The following TBPL2 variants were observed in gnomAD, a reference collection of about 807,000 sequenced individuals.
The protein encoded by TBPL2 is TATA box-binding protein-like 2.
Under a neutral mutation model 38.2 loss-of-function variants are expected in TBPL2, and 40 were observed. That is an observed-to-expected ratio of 1.05 (90% CI 0.81 to 1.36). TBPL2 has a LOEUF of 1.36. TBPL2 is among the 40% of genes most tolerant of loss of function. TBPL2 has a pLI of 0.00. For missense variants in TBPL2, 461 were observed against 456.7 expected, an observed-to-expected ratio of 1.01 and a Z score of -0.09; for synonymous variants, 169 against 171.7, an observed-to-expected ratio of 0.98 and a Z score of 0.12.
chr14:55,430,696 C>G (rs1408968740), intron 4 of TBPL2, among the ~76,000 whole-genome samples: 2 of 152,182 alleles, frequency 1.3e-5, no homozygotes, highest in Non-Finnish European at 2.9e-5. Context: ...TGCACATGGC[C>G]ATCTGTTGAT....
intron 4 of TBPL2, among the ~76,000 whole-genome samples, chr14:55,430,807 C>T (rs1306499853): frequency 1.3e-5 from 2 of 152,202 alleles, no homozygotes; most frequent in Non-Finnish European, 2.9e-5. Context: ...GGCCATGTCC[C>T]CAGGTTAGCA....
chr14:55,429,327 C>G (rs1885885289), intron 4 of TBPL2, among the ~76,000 whole-genome samples: 1 of 152,242 alleles, frequency 6.6e-6, no homozygotes, highest in Non-Finnish European at 1.5e-5. Context: ...GTTAGAAATG[C>G]AAAGTCCCAG....
chr14:55,419,134 T>C (rs1885708108), intron 6 of TBPL2, among the ~76,000 whole-genome samples: 2 of 152,220 alleles, frequency 1.3e-5, no homozygotes, highest in Admixed American at 6.5e-5. Context: ...ACACAGGTGT[T>C]ATTGTAGACT....
At chr14:55,438,731 G>C (rs1336754842) in intron 1 of TBPL2, 1 of 152,164 alleles carries the variant, frequency 6.6e-6, no homozygotes, top group East Asian at 1.9e-4. Flanking sequence ...TGTCTGTGTA[G>C]CACGTTCACT....
At chr14:55,416,759 T>C (rs1203072281) in intron 6 of TBPL2, among the ~76,000 whole-genome samples, 1 of 152,192 alleles carries the variant, frequency 6.6e-6, no homozygotes, top group Non-Finnish European at 1.5e-5. Context: ...TGAACAACCT[T>C]GTTAGCAGAC....
At chr14:55,432,891 A>C (rs768925288) in intron 4 of TBPL2, among the ~76,000 whole-genome samples, 2 of 152,208 alleles carry the variant, frequency 1.3e-5, no homozygotes, top group Non-Finnish European at 2.9e-5. Flanking sequence ...TTTTTAAGGG[A>C]TGCCTCCTGA....
chr14:55,421,016 G>A (rs543587419), intron 6 of TBPL2, among the ~76,000 whole-genome samples: 5 of 139,442 alleles, frequency 3.6e-5, no homozygotes, highest in Admixed American at 3.2e-4. Context: ...AGCCGAGATC[G>A]CACCACTGCA....
At chr14:55,439,819 T>A (rs1371875748) in intron 1 of TBPL2, among the ~76,000 whole-genome samples, 1 of 150,648 alleles carries the variant, frequency 6.6e-6, no homozygotes, top group Non-Finnish European at 1.5e-5. Context: ...TAGTCCCAGC[T>A]ACTCGGGAGG....
intron 5 of TBPL2, 152 bp from the exon 6 acceptor site, chr14:55,424,405 T>C (rs1302521046): frequency 1.8e-6 from 1 of 554,042 alleles, no homozygotes; most frequent in Non-Finnish European, 3.2e-6. Flanking sequence ...TGATGAAGAG[T>C]CTTGAGTGTC....
At chr14:55,419,147 CA>C (rs1472099918) in intron 6 of TBPL2, among the ~76,000 whole-genome samples, 1 of 152,232 alleles carries the variant, frequency 6.6e-6, no homozygotes, top group Non-Finnish European at 1.5e-5. Context: ...TGTAGACTTG[CA>C]AATTGCTGTG....
chr14:55,416,815 A>G (rs986646912), intron 6 of TBPL2, among the ~76,000 whole-genome samples: 2 of 152,198 alleles, frequency 1.3e-5, no homozygotes, highest in African/African-American at 4.8e-5. Flanking sequence ...CCCCTCTCCC[A>G]AAATCCCCAA....
At chr14:55,421,059 T>TTA (rs1594789762) in intron 6 of TBPL2, among the ~76,000 whole-genome samples, 1 of 27,512 alleles carries the variant, frequency 3.6e-5, no homozygotes, top group Non-Finnish European at 8.7e-5. Flanking sequence ...AGAATCTGTC[T>TTA]CAAAAAAAAA....
intron 3 of TBPL2, among the ~76,000 whole-genome samples, chr14:55,434,423 C>G (rs1397267091): frequency 6.6e-6 from 1 of 152,156 alleles, no homozygotes; most frequent in Non-Finnish European, 1.5e-5. Flanking sequence ...CTCTTCACCC[C>G]AACTCCTCTC....
At chr14:55,417,371 G>GC (rs1346931669) in intron 6 of TBPL2, among the ~76,000 whole-genome samples, 1 of 149,502 alleles carries the variant, frequency 6.7e-6, no homozygotes, top group Non-Finnish European at 1.5e-5. Flanking sequence ...ACCTAAATTG[G>GC]CTCCATAGTC....
At chr14:55,439,930 CAA>C (rs71131272) in intron 1 of TBPL2, among the ~76,000 whole-genome samples, 612 of 39,156 alleles carry the variant, frequency 0.016, 11 homozygotes, top group African/African-American at 0.055. Context: ...GACTCTGTCT[CAA>C]AAAAAAAAAA....
chr14:55,430,573 T>G (rs910625737), intron 4 of TBPL2, among the ~76,000 whole-genome samples: 4 of 151,978 alleles, frequency 2.6e-5, no homozygotes, highest in African/African-American at 9.7e-5. Flanking sequence ...CTGCCTAAAT[T>G]TTTATAGAGA....
At chr14:55,427,859 G>C (rs1056263225) in intron 5 of TBPL2, among the ~76,000 whole-genome samples, 1 of 151,570 alleles carries the variant, frequency 6.6e-6, no homozygotes, top group Admixed American at 6.6e-5. Flanking sequence ...ACACAGATAG[G>C]GGACAAACTA....
rs1594794609 is a variant in TBPL2, at chr14:55,436,493, T to G, written c.608+68A>C. 1.4e-5 allele frequency: 18 copies of G among 1,319,630 alleles called. No individual in the cohort carries two copies. The East Asian group carries it at 4.2e-4, about 30-fold the overall frequency. 81.7% of individuals were successfully genotyped at this position (1,319,630 alleles called of 1,614,324 possible). A position where few individuals can be genotyped will look rare whatever the true frequency, so the allele number is the denominator to read the frequency against. ...TCCCTACTATTATCCTGAAATTAGT[T>G]GTCATCGCATTCAGGAATATAAAAT... On this transcript the variant is annotated intron_variant, in intron 2 of 6. Transcript: ENST00000247219.
At chr14:55,438,451 G>A (rs1886050889) in intron 1 of TBPL2, among the ~76,000 whole-genome samples, 1 of 151,976 alleles carries the variant, frequency 6.6e-6, no homozygotes, top group South Asian at 2.1e-4. Flanking sequence ...GGGGACAATG[G>A]GCCCCAATTC....
Sources: allele counts gnomAD v4.1 joint callset (sites outside exome capture counted in the v4.1 genomes callset), GRCh38; gene constraint gnomAD v4.1.1; transcripts MANE v1.5; gene names NCBI Gene and HGNC (gene_info 2026-07-23, HGNC 2026-07-21).